Variants in MACROD2 observed in about 807,000 individuals in gnomAD.
MACROD2 encodes the protein mono-ADP ribosylhydrolase 2.
A neutral mutation model predicts 70.4 loss-of-function variants in MACROD2; 36 were observed. The observed-to-expected ratio is 0.51, with a 90% CI of 0.39 to 0.68. The LOEUF (loss-of-function observed/expected upper bound fraction) is 0.68. Ranked by LOEUF, MACROD2 falls within the 30% of genes least tolerant of loss-of-function variation. MACROD2 has a pLI of 0.00. For missense variants in MACROD2, 496 were observed against 538.4 expected (o/e 0.92, Z 0.78); for synonymous variants, 172 against 178.8 (o/e 0.96, Z 0.30).
At chr20:15,082,822 A>G (rs777170654) in intron 5 of MACROD2, among the ~76,000 whole-genome samples, 9 of 152,012 alleles carry the variant, frequency 5.9e-5, no homozygotes, top group Non-Finnish European at 1.3e-4. Flanking sequence ...GATAGGGTGG[A>G]TTTTCTGCAA....
intron 5 of MACROD2, among the ~76,000 whole-genome samples, chr20:14,873,975 T>C (rs2073519679): frequency 6.6e-6 from 1 of 152,202 alleles, no homozygotes; most frequent in African/African-American, 2.4e-5. Flanking sequence ...AATTTTGTGT[T>C]CAATTGAGTC....
At chr20:14,126,239 T>C (rs1412160694) in intron 3 of MACROD2, among the ~76,000 whole-genome samples, 1 of 152,240 alleles carries the variant, frequency 6.6e-6, no homozygotes, top group Non-Finnish European at 1.5e-5. Flanking sequence ...GCCCTCTTGC[T>C]ATGGCATCAC....
chr20:14,878,682 C>T (rs558764502), intron 5 of MACROD2, among the ~76,000 whole-genome samples: 1 of 152,082 alleles, frequency 6.6e-6, no homozygotes, highest in Non-Finnish European at 1.5e-5. Context: ...TGGATGAATT[C>T]TTTTATTTTT....
chr20:15,738,759 A>G (rs970164787), intron 8 of MACROD2, among the ~76,000 whole-genome samples: 1 of 152,116 alleles, frequency 6.6e-6, no homozygotes, highest in Non-Finnish European at 1.5e-5. Context: ...CCACCTCATA[A>G]TAGGTTTGTC....
intron 5 of MACROD2, among the ~76,000 whole-genome samples, chr20:15,202,543 CTTTTAAGTTCATCTATTTTT>C (rs1276347453): frequency 1.3e-5 from 2 of 152,114 alleles, no homozygotes; most frequent in Non-Finnish European, 2.9e-5. Flanking sequence ...TGGAATTGTA[CTTTTAAGTTCATCTATTTTT>C]TAAAATGATT....
intron 5 of MACROD2, among the ~76,000 whole-genome samples, chr20:15,210,216 A>G (rs1349484072): frequency 6.6e-6 from 1 of 152,228 alleles, no homozygotes; most frequent in Non-Finnish European, 1.5e-5. Flanking sequence ...GCAGTTGTGT[A>G]TGGCACATAG....
At chr20:15,793,010 A>C (rs747227752) in intron 8 of MACROD2, among the ~76,000 whole-genome samples, 8 of 152,184 alleles carry the variant, frequency 5.3e-5, no homozygotes, top group Non-Finnish European at 1.0e-4. Flanking sequence ...TTAAAACATG[A>C]AGCGTATCTC....
intron 8 of MACROD2, among the ~76,000 whole-genome samples, chr20:15,503,723 G>T (rs74612788): frequency 2.0e-5 from 3 of 151,896 alleles, no homozygotes; most frequent in African/African-American, 7.3e-5. Context: ...CTGCTTACGC[G>T]TGGCCCCATC....
chr20:15,946,542 T>G (rs1331388189), intron 12 of MACROD2, among the ~76,000 whole-genome samples: 1 of 152,204 alleles, frequency 6.6e-6, no homozygotes, highest in Non-Finnish European at 1.5e-5. Context: ...TTATAAACCT[T>G]AAATGTTATC....
intron 8 of MACROD2, among the ~76,000 whole-genome samples, chr20:15,855,491 C>T (rs991827349): frequency 2.0e-5 from 3 of 151,994 alleles, no homozygotes; most frequent in Non-Finnish European, 4.4e-5. Context: ...TGATTGTTGA[C>T]CAAGAGAGCT....
At chr20:14,608,251 C>T (rs574944613) in intron 4 of MACROD2, among the ~76,000 whole-genome samples, 24 of 152,036 alleles carry the variant, frequency 1.6e-4, no homozygotes, top group Middle Eastern at 3.4e-3. Flanking sequence ...AATGGAACTC[C>T]GTCTCAAAAA....
At position 15,252,566 on chromosome 20, in the gene MACROD2, T is replaced by G. The variant is rs183165190; in HGVS notation, c.540+22505T>G. On this transcript the variant is annotated intron_variant, in intron 6 of 17. Transcript: ENST00000684519. The stretch of plus-strand genomic sequence containing the variant: ...ACATTTCATTAACTAGAAGAAGTCA[T>G]TCGGCCATACCTACATTGAACAGGA... Among the ~76,000 whole-genome samples the G allele has an allele frequency of 4.7e-4, 71 of 152,296 alleles. 1 individual carries two copies. Among genetic ancestry groups the G allele is most frequent in the African/African-American group, 1.7e-3 (70 of 41,576 alleles).
chr20:15,269,796 T>G (rs2077329749), intron 6 of MACROD2, among the ~76,000 whole-genome samples: 1 of 152,202 alleles, frequency 6.6e-6, no homozygotes, highest in African/African-American at 2.4e-5. Flanking sequence ...TGTTTTCACT[T>G]AGTGTCCCTG....
rs536934374 is a variant in MACROD2 at position 15,150,796 on chromosome 20, G to A, written c.419-79144G>A. 1.1e-3 allele frequency among the ~76,000 whole-genome samples: 162 copies of A among 152,042 alleles called. 1 individual carries two copies. Among genetic ancestry groups the A allele is most frequent in the Admixed American group, 3.5e-3 (53 of 15,282 alleles). On this transcript the variant is annotated intron_variant, in intron 5 of 17. Coordinates refer to ENST00000684519, the MANE Select transcript of MACROD2 (RefSeq NM_001351661.2). ...GCAGAATGTTTAGTTAAAGTGTCTC[G>A]GCCTAATAAGGGAACTGAGCAGGTG...
At chr20:16,004,364 T>C (rs552656749) in intron 15 of MACROD2, among the ~76,000 whole-genome samples, 1 of 152,302 alleles carries the variant, frequency 6.6e-6, no homozygotes, top group African/African-American at 2.4e-5. Context: ...TGTTTGTTTA[T>C]TGGAAAGCAG....
intron 13 of MACROD2, among the ~76,000 whole-genome samples, chr20:15,981,310 GT>G (rs934859364): frequency 1.4e-4 from 22 of 152,240 alleles, no homozygotes; most frequent in Non-Finnish European, 3.1e-4. Flanking sequence ...CCATGTAACT[GT>G]TTTTTGCGGT....
At position 14,686,467 on chromosome 20, in the gene MACROD2, A is replaced by G. The variant is rs374949600; in HGVS notation, c.418+1508A>G. 3.9e-4 allele frequency among the ~76,000 whole-genome samples: 59 copies of G among 152,350 alleles called. No individual in the cohort carries two copies. The Middle Eastern group carries it at 0.01, about 26-fold the overall frequency. On this transcript the variant is annotated intron_variant, in intron 5 of 17. Transcript: ENST00000684519. Reference sequence around the variant, plus strand: ...TCCACTTGTGGCATCATGTTGGCACACAAAGTTTTAGATTTTGGAGCATTT... The same window carrying G: ...TCCACTTGTGGCATCATGTTGGCACGCAAAGTTTTAGATTTTGGAGCATTT...
intron 8 of MACROD2, among the ~76,000 whole-genome samples, chr20:15,570,673 C>G (rs544178821): frequency 6.6e-6 from 1 of 152,214 alleles, no homozygotes; most frequent in Admixed American, 6.5e-5. Flanking sequence ...TACATGTTGG[C>G]CCTAGCTTTA....
intron 5 of MACROD2, among the ~76,000 whole-genome samples, chr20:15,096,181 G>T (rs2075830476): frequency 6.6e-6 from 1 of 152,060 alleles, no homozygotes; most frequent in African/African-American, 2.4e-5. Context: ...GCAGCAGCTA[G>T]TAGATCCCTT....
Sources: allele counts gnomAD v4.1 joint callset (sites outside exome capture counted in the v4.1 genomes callset), GRCh38; gene constraint gnomAD v4.1.1; transcripts MANE v1.5; gene names NCBI Gene and HGNC (gene_info 2026-07-23, HGNC 2026-07-21).